RASL11A: variants seen among roughly 807,000 people sequenced by gnomAD.
RASL11A encodes ras-like protein family member 11A.
RASL11A carries 14 observed loss-of-function variants against 17.1 expected under a neutral mutation model. That is an observed-to-expected ratio of 0.82 (90% CI 0.54 to 1.28). The LOEUF (loss-of-function observed/expected upper bound fraction) is 1.28. Ranked by LOEUF, RASL11A falls within the 50% of genes most tolerant of loss-of-function variation. The probability of loss-of-function intolerance (pLI) is 0.00; values close to 1 mark genes in which losing one functional copy is unlikely to be tolerated. For synonymous variants in RASL11A, 146 were observed against 132.5 expected, an observed-to-expected ratio of 1.10 and a Z score of -0.70; for missense variants, 283 against 312.3, an observed-to-expected ratio of 0.91 and a Z score of 0.71.
rs1882377344 is a variant in RASL11A at position 27,273,649 on chromosome 13, C to T, written c.*155C>T. ...TTCTGAAAATTCAAACAGTGATTGC[C>T]TAGAAGCTGGATAAAATTTTGTTTT... On this transcript the variant is annotated 3_prime_UTR_variant, in exon 4 of 4. Transcript: ENST00000241463. The T allele has an allele frequency of 7.1e-6, 3 of 423,902 alleles. No homozygotes were observed. The highest frequency in any genetic ancestry group is 8.0e-6 in the Non-Finnish European group (2 of 250,618). The allele number at this position is 423,902 out of a possible 1,614,324, so 26.3% of individuals were successfully genotyped here. A position where few individuals can be genotyped will look rare whatever the true frequency, so the allele number is the denominator to read the frequency against.
rs1334916138 is a variant in RASL11A, at chr13:27,273,356, C to G, written c.591C>G (p.Ser197Arg). The G allele has an allele frequency of 7.4e-6, 12 of 1,614,088 alleles. No individual in the cohort carries two copies. Among genetic ancestry groups the G allele is most frequent in the Non-Finnish European group, 1.0e-5 (12 of 1,180,046 alleles). Residue 197 changes from serine (S) to arginine (R), a missense_variant, in exon 4 of 4, where the codon AGC becomes AGG. Coordinates refer to ENST00000241463, the MANE Select transcript of RASL11A (RefSeq NM_206827.2). ...DVFQHLCKEV[S>R]KMHGLSGERR... ...TTCAGCATCTCTGCAAAGAAGTGAG[C>G]AAGATGCACGGCCTCAGTGGGGAAA...
chr13:27,271,402 C>CA, intron 1 of RASL11A, 82 bp from the exon 2 acceptor site: 1 of 1,578,444 alleles, frequency 6.3e-7, no homozygotes, highest in South Asian at 1.1e-5. Context: ...CTGCACCCTT[C>CA]ACTCCCCCCA....
chr13:27,270,862 C>G lies in RASL11A; in HGVS notation c.-83C>G. On this transcript the variant is annotated 5_prime_UTR_variant, in exon 1 of 4. Coordinates refer to ENST00000241463, the MANE Select transcript of RASL11A (RefSeq NM_206827.2). ...CGCCGCGGTCCCGGACCTCTAGTCC[C>G]GCACTCCCAGCTGGCGAGCCGGCTC... is the stretch of plus-strand genomic sequence containing the variant. 2.0e-6 allele frequency: 3 copies of G among 1,518,390 alleles called. No individual in the cohort carries two copies. Among genetic ancestry groups the G allele is most frequent in the South Asian group, 1.3e-5 (1 of 79,346 alleles). The allele number at this position is 1,518,390 out of a possible 1,614,324, so 94.1% of individuals were successfully genotyped here. A position where few individuals can be genotyped will look rare whatever the true frequency, so the allele number is the denominator to read the frequency against.
At position 27,273,062 on chromosome 13, in the gene RASL11A, G is replaced by A. The variant is rs768373895; in HGVS notation, c.297G>A (p.Leu99=). ...GCCTCCCCCAGGTCGTCGATTCCCTGTCCAAATGCGTGCAGTGGGCCGAGG... is the reference window on the plus strand; with the variant it reads ...GCCTCCCCCAGGTCGTCGATTCCCTATCCAAATGCGTGCAGTGGGCCGAGG... The part of the protein sequence containing the change: ...QDSLPQVVDS[L]SKCVQWAEGF... The change falls in exon 4 of 4, where the codon CTG becomes CTA. Residue 99 remains leucine, a synonymous_variant. Transcript: ENST00000241463. 1.2e-6 allele frequency: 2 copies of A among 1,614,174 alleles called. No individual in the cohort carries two copies. Among genetic ancestry groups the A allele is most frequent in the Non-Finnish European group, 1.7e-6 (2 of 1,180,042 alleles).
At position 27,271,557 on chromosome 13, in the gene RASL11A, G is replaced by T; in HGVS notation, c.181+17G>T. 6.2e-7 allele frequency: 1 copy of T among 1,613,830 alleles called. No individual in the cohort carries two copies. Among genetic ancestry groups the T allele is most frequent in the African/African-American group, 1.3e-5 (1 of 75,048 alleles). On this transcript the variant is annotated intron_variant, in intron 2 of 3. Coordinates refer to ENST00000241463, the MANE Select transcript of RASL11A (RefSeq NM_206827.2). Reference sequence around the variant, plus strand: ...CGAATACAGGTGAGAATACTTTCACGCTCCCTGCTTTTATGCTTGCGTGTT... The same window carrying T: ...CGAATACAGGTGAGAATACTTTCACTCTCCCTGCTTTTATGCTTGCGTGTT...
At chr13:27,271,806 G>A in intron 3 of RASL11A, 88 bp downstream of exon 3, 1 of 1,124,190 alleles carries the variant, frequency 8.9e-7, no homozygotes, top group Non-Finnish European at 1.3e-6. Context: ...GCTGGGCGCA[G>A]GGGTCTGAGC....
chr13:27,273,696 T>A lies in RASL11A; in HGVS notation c.*202T>A. The A allele has an allele frequency of 1.3e-5, 4 of 300,278 alleles. No individual in the cohort carries two copies. Among genetic ancestry groups the A allele is most frequent in the Non-Finnish European group, 1.8e-5 (3 of 171,110 alleles). The allele number at this position is 300,278 out of a possible 1,614,324, so 18.6% of individuals were successfully genotyped here. ...TTTTGTTTTATTAAAAGAACTTTTT[T>A]TTTTTTTTTTTTTTTTTTTTTTTTA... is the stretch of plus-strand genomic sequence containing the variant. On this transcript the variant is annotated 3_prime_UTR_variant, in exon 4 of 4. Transcript: ENST00000241463.
intron 3 of RASL11A, among the ~76,000 whole-genome samples, chr13:27,272,247 C>T (rs1882315763): frequency 6.6e-6 from 1 of 152,132 alleles, no homozygotes; most frequent in Non-Finnish European, 1.5e-5. Context: ...GCTTCAGTCT[C>T]CCGAGTAGCT....
rs200948138 is a variant in RASL11A, at chr13:27,270,997, C to T, written c.53C>T (p.Ser18Phe). The change falls in exon 1 of 4, where the codon TCC becomes TTC. Residue 18 changes from serine to phenylalanine, a missense_variant. By Grantham distance (155) the Ser-to-Phe change is radical (BLOSUM62 -2). Transcript: ENST00000241463. ...TTTCTGCTCGCACCCATCCCCGAGTCCTCCTCGGACTACCTACTGCCCAAG... is the reference window on the plus strand; with the variant it reads ...TTTCTGCTCGCACCCATCCCCGAGTTCTCCTCGGACTACCTACTGCCCAAG... Reference protein sequence around the residue: ...GHFLLAPIPESSSDYLLPKDI... With the variant: ...GHFLLAPIPEFSSDYLLPKDI... 6.3e-7 allele frequency: 1 copy of T among 1,594,386 alleles called. No homozygotes were observed. The highest frequency in any genetic ancestry group is 8.5e-7 in the Non-Finnish European group (1 of 1,170,868).
Position 27,270,846 on chromosome 13 carries a change from C to A in RASL11A, c.-99C>A. On this transcript the variant is annotated 5_prime_UTR_variant, in exon 1 of 4. Coordinates refer to ENST00000241463, the MANE Select transcript of RASL11A (RefSeq NM_206827.2). ...CAGTTCTGCAGGCAGCCGCCGCGGT[C>A]CCGGACCTCTAGTCCCGCACTCCCA... 2 of 1,476,452 alleles carry A rather than the reference C, an allele frequency of 1.4e-6. No homozygotes were observed. The highest frequency in any genetic ancestry group is 1.3e-5 in the South Asian group (1 of 75,974). The allele number at this position is 1,476,452 out of a possible 1,614,324, so 91.5% of individuals were successfully genotyped here. A position where few individuals can be genotyped will look rare whatever the true frequency, so the allele number is the denominator to read the frequency against.
intron 3 of RASL11A, among the ~76,000 whole-genome samples, chr13:27,272,287 GC>G (rs1882317304): frequency 6.6e-6 from 1 of 152,114 alleles, no homozygotes. Flanking sequence ...GGAACTCCCA[GC>G]TATTTATCTA....
Position 27,274,933 on chromosome 13 carries a change from C to T in RASL11A, c.*1439C>T, listed in dbSNP as rs1349797342. On this transcript the variant is annotated 3_prime_UTR_variant, in exon 4 of 4. Transcript: ENST00000241463. ...ACCATGAAACAAATTGTTACTTCTG[C>T]AGGGCAAGGACAGGTGTTCTGAGTA... Among the ~76,000 whole-genome samples, 4 of 152,214 alleles carry T rather than the reference C, an allele frequency of 2.6e-5. No homozygotes were observed.
intron 1 of RASL11A, 75 bp from the exon 2 acceptor site, chr13:27,271,409 C>G: frequency 1.3e-6 from 2 of 1,586,038 alleles, no homozygotes; most frequent in Non-Finnish European, 1.7e-6. Context: ...CTTCACTCCC[C>G]CCAGTTTGTC....
chr13:27,271,739 A>G (rs1882299049), intron 3 of RASL11A, 21 bp downstream of exon 3: 1 of 1,593,652 alleles, frequency 6.3e-7, no homozygotes, highest in South Asian at 1.1e-5. Flanking sequence ...CCAGGGGCAA[A>G]CAGCTCACCC....
At position 27,271,678 on chromosome 13, in the gene RASL11A, A is replaced by T; in HGVS notation, c.221A>T (p.Gln74Leu). 6.2e-7 allele frequency: 1 copy of T among 1,613,234 alleles called. No homozygotes were observed. The change falls in exon 3 of 4, where the codon CAG becomes CTG. Residue 74 changes from glutamine to leucine, a missense_variant. Physicochemically the swap from Gln to Leu is moderately radical, Grantham distance 113 (BLOSUM62 -2). Transcript: ENST00000241463. ...CGGCTGGTCTATGTCGAGGGGGACC[A>T]GCTCTCCCTGCAGATCCAGGATACT... ...YSRLVYVEGD[Q>L]LSLQIQDTPG...
chr13:27,271,938 T>C (rs75183472), intron 3 of RASL11A, among the ~76,000 whole-genome samples: 4,540 of 152,304 alleles, frequency 0.03, 236 homozygotes, highest in African/African-American at 0.1. Context: ...CCTCCTCTTG[T>C]TAAGCACCTG....
intron 3 of RASL11A, 85 bp downstream of exon 3, chr13:27,271,803 G>C (rs1882301612): frequency 8.7e-7 from 1 of 1,152,126 alleles, no homozygotes; most frequent in African/African-American, 1.6e-5. Flanking sequence ...CATGCTGGGC[G>C]CAGGGGTCTG....
rs1469817480 is a variant in RASL11A at position 27,273,004 on chromosome 13, A to G, written c.262-23A>G. 5.0e-6 allele frequency: 8 copies of G among 1,596,630 alleles called. No homozygotes were observed. The African/African-American group carries it at 8.1e-5, about 16-fold the overall frequency. ...TCCCACTGAGGGTTTCCTTGACTGG[A>G]TCTCATTTTGATGTTTTCTCAGATC... On this transcript the variant is annotated intron_variant, in intron 3 of 3. Transcript: ENST00000241463.
At position 27,270,837 on chromosome 13, in the gene RASL11A, C is replaced by T. The variant is rs1321127469; in HGVS notation, c.-108C>T. 6.3e-6 allele frequency: 9 copies of T among 1,432,450 alleles called. No individual in the cohort carries two copies. Among genetic ancestry groups the T allele is most frequent in the Non-Finnish European group, 5.6e-6 (6 of 1,068,166 alleles). 88.7% of individuals were successfully genotyped at this position (1,432,450 alleles called of 1,614,324 possible). A position where few individuals can be genotyped will look rare whatever the true frequency, so the allele number is the denominator to read the frequency against. ...GGGCCTTGACAGTTCTGCAGGCAGC[C>T]GCCGCGGTCCCGGACCTCTAGTCCC... On this transcript the variant is annotated 5_prime_UTR_variant, in exon 1 of 4. Transcript: ENST00000241463.
Sources: gnomAD v4.1 joint callset for allele counts (sites outside exome capture counted in the v4.1 genomes callset) on GRCh38, gnomAD v4.1.1 for gene constraint, MANE v1.5 for transcripts, NCBI Gene and HGNC (gene_info 2026-07-23, HGNC 2026-07-21) for gene names.